The following CEP290 variants were observed in gnomAD, a reference collection of about 807,000 sequenced individuals.
The protein encoded by CEP290 is centrosomal protein of 290 kDa.
In CEP290, 317 loss-of-function variants were observed where a neutral mutation model predicts 344.9. That is an observed-to-expected ratio of 0.92 (90% CI 0.84 to 1.01). CEP290 has a LOEUF of 1.01. Ranked by LOEUF, CEP290 falls within the 50% of genes least tolerant of loss-of-function variation. CEP290 has a pLI of 0.00. For missense variants in CEP290, 2,754 were observed against 2,761.4 expected, an observed-to-expected ratio of 1.00 and a Z score of 0.06; for synonymous variants, 932 against 895.8, an observed-to-expected ratio of 1.04 and a Z score of -0.72.
intron 5 of CEP290, among the ~76,000 whole-genome samples, chr12:88,138,811 C>T (rs910382240): frequency 5.3e-5 from 8 of 152,160 alleles, no homozygotes; most frequent in African/African-American, 1.9e-4. Flanking sequence ...TAGCCTTCAG[C>T]TTTGTCAAAA....
At chr12:88,119,569 C>T (rs2039276557) in intron 15 of CEP290, among the ~76,000 whole-genome samples, 1 of 152,068 alleles carries the variant, frequency 6.6e-6, no homozygotes, top group African/African-American at 2.4e-5. Context: ...GAGGCCAAGG[C>T]GGGTGGATCA....
In CEP290 at chr12:88,107,028, G is replaced by T. The variant is rs886038694; in HGVS notation, c.2554C>A (p.Gln852Lys). Residue 852 changes from glutamine (Q) to lysine (K), a missense_variant, in exon 24 of 54, where the codon CAA becomes AAA. Transcript: ENST00000552810. The part of the protein sequence containing the change: ...EEKRKLEDQV[Q>K]QDAIKVKEYN... Reference sequence around the variant, plus strand: ...TCTTTTACTTTTATAGCATCTTGTTGGACTTGATCCTCAAGTTTTCTCTTT... The same window carrying T: ...TCTTTTACTTTTATAGCATCTTGTTTGACTTGATCCTCAAGTTTTCTCTTT... 4 of 1,552,282 alleles carry T rather than the reference G, an allele frequency of 2.6e-6. No homozygotes were observed. Among genetic ancestry groups the T allele is most frequent in the Non-Finnish European group, 3.5e-6 (4 of 1,149,690 alleles).
intron 18 of CEP290, 39 bp from the exon 19 acceptor site, chr12:88,115,221 CA>C (rs1555220871): frequency 2.0e-6 from 2 of 1,017,540 alleles, no homozygotes; most frequent in Non-Finnish European, 2.9e-6. Context: ...TTTTTTTCAA[CA>C]AAATATCACA....
chr12:88,065,998 T>C (rs66582760), intron 44 of CEP290, among the ~76,000 whole-genome samples: 19,439 of 152,136 alleles, frequency 0.13, 1,468 homozygotes, highest in Non-Finnish European at 0.18. Context: ...AAATTCTTAG[T>C]GGATAGGAGT....
chr12:88,115,339 A>G (rs1368754652), intron 18 of CEP290, 157 bp from the exon 19 acceptor site: 4 of 692,130 alleles, frequency 5.8e-6, no homozygotes, highest in Non-Finnish European at 9.2e-6. Context: ...AATAAACTAA[A>G]ATCTAAACAG....
Position 88,077,719 on chromosome 12 carries a change from T to C in CEP290, c.5564A>G (p.Lys1855Arg). 6.4e-7 allele frequency: 1 copy of C among 1,562,804 alleles called. No homozygotes were observed. The highest frequency in any genetic ancestry group is 8.7e-7 in the Non-Finnish European group (1 of 1,155,332). The part of the protein sequence containing the change: ...QENDELKRQI[K>R]RLTSGLQGKP... ...TACCTGTAATCCACTGGTTAGTCTT[T>C]TAATTTGCCTTTTCAGTTCATCATT... Residue 1855 changes from lysine to arginine, a missense_variant, in exon 40 of 54, where the codon AAA becomes AGA. Physicochemically the swap from Lys to Arg is conservative, Grantham distance 26. Transcript: ENST00000552810.
intron 18 of CEP290, among the ~76,000 whole-genome samples, 176 bp downstream of exon 18, chr12:88,116,857 C>T (rs2039074185): frequency 6.6e-6 from 1 of 151,712 alleles, no homozygotes; most frequent in Non-Finnish European, 1.5e-5. Context: ...GCCTGTAGTC[C>T]CAGCTACTTG....
chr12:88,080,456 G>A (rs2036119729), intron 37 of CEP290, 61 bp from the exon 38 acceptor site: 22 of 1,210,654 alleles, frequency 1.8e-5, no homozygotes, highest in Non-Finnish European at 2.6e-5. Flanking sequence ...TTGAGACCCA[G>A]TCTCACTCTG....
At chr12:88,094,071 A>T in intron 27 of CEP290, 96 bp from the exon 28 acceptor site, 1 of 944,370 alleles carries the variant, frequency 1.1e-6, no homozygotes, top group Non-Finnish European at 1.5e-6. Flanking sequence ...TTATAGTTCC[A>T]TGGAAAGCAC....
chr12:88,129,940 T>G, intron 9 of CEP290, 64 bp from the exon 10 acceptor site: 1 of 1,074,880 alleles, frequency 9.3e-7, no homozygotes, highest in Admixed American at 3.5e-5. Flanking sequence ...TTAAACCAAA[T>G]TAAAATTAAA....
chr12:88,055,363 G>A (rs2033911649), intron 50 of CEP290, among the ~76,000 whole-genome samples: 2 of 152,068 alleles, frequency 1.3e-5, no homozygotes, highest in Admixed American at 1.3e-4. Flanking sequence ...AAATAGAGCT[G>A]ACATGATTTA....
At chr12:88,112,517 A>G (rs2038764021) in intron 20 of CEP290, among the ~76,000 whole-genome samples, 1 of 152,146 alleles carries the variant, frequency 6.6e-6, no homozygotes, top group African/African-American at 2.4e-5. Context: ...GAGTGGCATC[A>G]CTGGCCCGAA....
rs757757271 is a variant in CEP290, at chr12:88,121,181, C to T, written c.1190-15G>A. The T allele has an allele frequency of 4.4e-6, 7 of 1,594,898 alleles. No homozygotes were observed. Among genetic ancestry groups the T allele is most frequent in the South Asian group, 1.1e-5 (1 of 87,808 alleles). On this transcript the variant is annotated splice_polypyrimidine_tract_variant and intron_variant, in intron 13 of 53. Coordinates refer to ENST00000552810, the MANE Select transcript of CEP290 (RefSeq NM_025114.4). ...GGTTGAAGCACCTACAGAGTAAAAA[C>T]AAAAATCATGAATTGAATTGACTAC... is the stretch of plus-strand genomic sequence containing the variant.
At chr12:88,056,722 CGT>C (rs1270362272) in intron 49 of CEP290, among the ~76,000 whole-genome samples, 1 of 152,110 alleles carries the variant, frequency 6.6e-6, no homozygotes, top group African/African-American at 2.4e-5. Flanking sequence ...ACATAGAATA[CGT>C]GTTACTAAGT....
intron 37 of CEP290, 130 bp from the exon 38 acceptor site, chr12:88,080,525 A>G: frequency 3.2e-6 from 2 of 630,910 alleles, no homozygotes; most frequent in Non-Finnish European, 5.3e-6. Flanking sequence ...TGCCTCCCAG[A>G]TTCAAGTGAT....
intron 51 of CEP290, among the ~76,000 whole-genome samples, chr12:88,054,056 T>A (rs2136630692): frequency 6.6e-6 from 1 of 152,300 alleles, no homozygotes; most frequent in South Asian, 2.1e-4. Flanking sequence ...CTTTCATTAG[T>A]ATTTTCCTCT....
intron 15 of CEP290, 84 bp from the exon 16 acceptor site, chr12:88,118,827 A>G: frequency 1.2e-6 from 1 of 863,152 alleles, no homozygotes; most frequent in South Asian, 1.9e-5. Flanking sequence ...GCAACTGGTT[A>G]TAATTCACTT....
rs747852436 is a variant in CEP290, at chr12:88,083,189, C to A, written c.4854G>T (p.Lys1618Asn). Residue 1618 changes from lysine (K) to asparagine (N), a missense_variant, in exon 37 of 54, where the codon AAG (lysine) becomes AAT (asparagine). Physicochemically the swap from Lys to Asn is moderately conservative, Grantham distance 94. Transcript: ENST00000552810. ...KQSPTPVPTN[K>N]HFIRLAEMEQ... ...CCATCTCAGCCAGACGAATAAAATG[C>A]TTGTTGGTAGGAACTGGAGTGGGAG... 2.6e-6 allele frequency: 4 copies of A among 1,527,698 alleles called. No homozygotes were observed. The African/African-American group carries it at 5.6e-5, about 21-fold the overall frequency. 94.6% of individuals were successfully genotyped at this position (1,527,698 alleles called of 1,614,324 possible).
chr12:88,114,663 T>C (rs1381028078), intron 19 of CEP290, 101 bp from the exon 20 acceptor site: 10 of 991,778 alleles, frequency 1.0e-5, no homozygotes, highest in Non-Finnish European at 1.4e-5. Flanking sequence ...AAGACATCAT[T>C]GGAAAAATCC....
Sources: gnomAD v4.1 joint callset for allele counts (sites outside exome capture counted in the v4.1 genomes callset) on GRCh38, gnomAD v4.1.1 for gene constraint, MANE v1.5 for transcripts, NCBI Gene and HGNC (gene_info 2026-07-23, HGNC 2026-07-21) for gene names.